UBE2D3: variants seen among roughly 807,000 people sequenced by gnomAD.
The protein encoded by UBE2D3 is ubiquitin conjugating enzyme E2 D3.
UBE2D3 carries 2 observed loss-of-function variants against 22.8 expected under a neutral mutation model. The ratio of observed to expected loss-of-function variants is 0.09; its 90% CI spans 0.04 to 0.28. The LOEUF is 0.28. Among genes scored for constraint, UBE2D3 ranks in the 10% least tolerant of loss-of-function variants. The pLI is 1.00. For missense variants in UBE2D3, 27 were observed against 182.5 expected (o/e 0.15, Z 4.91); for synonymous variants, 56 against 60.4 (o/e 0.93, Z 0.34).
rs60542692 is a variant in UBE2D3 at position 102,833,132 on chromosome 4, CAT to C, written c.-128-6498_-128-6497del. Among the ~76,000 whole-genome samples the C allele has an allele frequency of 4.9e-3, 723 of 147,340 alleles. 2 individuals are homozygous for C. Among genetic ancestry groups the C allele is most frequent in the African/African-American group, 8.2e-3 (324 of 39,672 alleles). ...ACTAAAGTTTACATAACATTGGAAA[CAT>C]GTGCTACATGTTTTTTTTTTTTGCA... On this transcript the variant is annotated intron_variant, in intron 1 of 7. Transcript: ENST00000338145.
intron 1 of UBE2D3, chr4:102,837,023 C>T (rs1378738317): frequency 6.6e-6 from 1 of 152,194 alleles, no homozygotes; most frequent in African/African-American, 2.4e-5. Flanking sequence ...CTATATAAAT[C>T]TGAGTACTAG....
chr4:102,804,228 CT>C (rs1223104043), intron 4 of UBE2D3, among the ~76,000 whole-genome samples: 1 of 152,134 alleles, frequency 6.6e-6, no homozygotes, highest in Non-Finnish European at 1.5e-5. Flanking sequence ...ATGGTGCAAC[CT>C]CAGCTCACTG....
intron 1 of UBE2D3, among the ~76,000 whole-genome samples, chr4:102,864,151 T>C (rs540611970): frequency 6.6e-6 from 1 of 152,226 alleles, no homozygotes; most frequent in Non-Finnish European, 1.5e-5. Flanking sequence ...CCTTAAGATG[T>C]AGGTATTACC....
intron 2 of UBE2D3, among the ~76,000 whole-genome samples, chr4:102,819,247 T>A (rs1486056264): frequency 6.6e-6 from 1 of 151,804 alleles, no homozygotes; most frequent in Admixed American, 6.6e-5. Context: ...GGAGAATTGC[T>A]TGAACCCAGG....
In UBE2D3 at chr4:102,809,709, A is replaced by G. The variant is rs1432084638; in HGVS notation, c.89-6T>C. 6.2e-7 allele frequency: 1 copy of G among 1,613,008 alleles called. No homozygotes were observed. Among genetic ancestry groups the G allele is most frequent in the South Asian group, 1.1e-5 (1 of 90,660 alleles). Reference sequence around the variant, plus strand: ...TGTGGCTTGCCAATGAAACACTAGAAAAAGAAAAAAAACTCTGGTTATCTA... The same window carrying G: ...TGTGGCTTGCCAATGAAACACTAGAGAAAGAAAAAAAACTCTGGTTATCTA... On this transcript the variant is annotated splice_region_variant and splice_polypyrimidine_tract_variant and intron_variant, in intron 3 of 7. Coordinates refer to ENST00000453744, the MANE Select transcript of UBE2D3 (RefSeq NM_181891.3).
At chr4:102,848,920 C>CGTGT (rs1560889524) in intron 1 of UBE2D3, among the ~76,000 whole-genome samples, 13 of 96,484 alleles carry the variant, frequency 1.3e-4, no homozygotes, top group Admixed American at 9.5e-4. Context: ...TTTATGTGTG[C>CGTGT]CTGTGTGTGT....
intron 4 of UBE2D3, 39 bp from the exon 5 acceptor site, chr4:102,802,677 AT>A (rs1422491057): frequency 2.7e-6 from 4 of 1,479,694 alleles, no homozygotes; most frequent in Admixed American, 1.9e-5. Flanking sequence ...AATTTAAAAT[AT>A]TATTGCTAAA....
chr4:102,818,087 C>G (rs1045909466), intron 2 of UBE2D3, among the ~76,000 whole-genome samples: 1 of 152,166 alleles, frequency 6.6e-6, no homozygotes, highest in African/African-American at 2.4e-5. Context: ...TACCCCTCAC[C>G]TAAGGGGAAC....
At chr4:102,827,973 A>G (rs2110341047), upstream of UBE2D3, 1 of 985,478 alleles carries the variant, frequency 1.0e-6, no homozygotes, top group South Asian at 4.7e-5. Context: ...TCTCGCGAGA[A>G]CTTCGTGGCT....
intron 1 of UBE2D3, among the ~76,000 whole-genome samples, chr4:102,854,353 T>C (rs1732531037): frequency 6.6e-6 from 1 of 152,200 alleles, no homozygotes; most frequent in South Asian, 2.1e-4. Flanking sequence ...TTAATGATAC[T>C]ACAGTTCAAT....
chr4:102,802,537 C>G (rs1020649993), intron 5 of UBE2D3, 24 bp downstream of exon 5: 2 of 1,572,518 alleles, frequency 1.3e-6, no homozygotes, highest in Non-Finnish European at 1.7e-6. Context: ...TCTATACTAA[C>G]AGATTTTGAG....
chr4:102,821,404 G>A (rs963501753), intron 2 of UBE2D3, among the ~76,000 whole-genome samples: 7 of 152,000 alleles, frequency 4.6e-5, no homozygotes, highest in South Asian at 4.1e-4. Flanking sequence ...ACCACTGAAC[G>A]CAGAGATTAC....
intron 4 of UBE2D3, among the ~76,000 whole-genome samples, chr4:102,804,841 AT>A (rs542558243): frequency 2.0e-5 from 3 of 151,654 alleles, no homozygotes; most frequent in African/African-American, 7.3e-5. Context: ...CAGTTGGCTA[AT>A]TTTTTTTGTC....
chr4:102,864,008 T>TA (rs1282339524), intron 1 of UBE2D3, among the ~76,000 whole-genome samples: 1 of 152,040 alleles, frequency 6.6e-6, no homozygotes, highest in East Asian at 1.9e-4. Flanking sequence ...CAGCTAATAA[T>TA]AAAAAAGATG....
intron 1 of UBE2D3, among the ~76,000 whole-genome samples, chr4:102,861,132 C>G (rs984899599): frequency 6.6e-6 from 1 of 152,032 alleles, no homozygotes; most frequent in African/African-American, 2.4e-5. Context: ...TTGACTCTTA[C>G]TTTCCTTCCT....
chr4:102,849,005 C>T, intron 1 of UBE2D3, among the ~76,000 whole-genome samples: 1 of 149,916 alleles, frequency 6.7e-6, no homozygotes, highest in East Asian at 2.0e-4. Context: ...GGTCCATTTC[C>T]TGTAATAACT....
intron 7 of UBE2D3, 137 bp from the exon 8 acceptor site, chr4:102,797,597 C>A: frequency 1.8e-6 from 1 of 553,038 alleles, no homozygotes. Context: ...GAATAAAAGC[C>A]AACAAGGGAG....
intron 2 of UBE2D3, chr4:102,825,160 T>C: frequency 1.2e-6 from 1 of 834,690 alleles, no homozygotes; most frequent in Non-Finnish European, 1.4e-6. Context: ...TCTATTTTAG[T>C]AAAGGCAAAT....
intron 2 of UBE2D3, among the ~76,000 whole-genome samples, chr4:102,816,038 G>A (rs1728739720): frequency 6.6e-6 from 1 of 152,162 alleles, no homozygotes; most frequent in Admixed American, 6.6e-5. Flanking sequence ...GAATGAGCAA[G>A]ACAGTATCGT....
Sources: allele counts gnomAD v4.1 joint callset (sites outside exome capture counted in the v4.1 genomes callset), GRCh38; gene constraint gnomAD v4.1.1; transcripts MANE v1.5; gene names NCBI Gene and HGNC (gene_info 2026-07-23, HGNC 2026-07-21).